The following NCOA7 variants were observed in gnomAD, a reference collection of about 807,000 sequenced individuals.
The protein encoded by NCOA7 is 140 kDa estrogen receptor-associated protein.
NCOA7 carries 45 observed loss-of-function variants against 104.3 expected under a neutral mutation model. The observed-to-expected ratio is 0.43, with a 90% CI of 0.34 to 0.55. NCOA7 has a LOEUF of 0.55. Ranked by LOEUF, NCOA7 falls within the 20% of genes least tolerant of loss-of-function variation. The probability of loss-of-function intolerance (pLI) is 0.02; values close to 1 mark genes in which losing one functional copy is unlikely to be tolerated. For synonymous variants in NCOA7, 398 were observed against 402.3 expected, an observed-to-expected ratio of 0.99 and a Z score of 0.13; for missense variants, 1,041 against 1,119.7, an observed-to-expected ratio of 0.93 and a Z score of 1.00.
rs1252481841 is a variant in NCOA7 at position 125,889,392 on chromosome 6, A to T, written c.1338A>T (p.Glu446Asp). The T allele has an allele frequency of 6.2e-7, 1 of 1,613,896 alleles. No homozygotes were observed. The highest frequency in any genetic ancestry group is 2.2e-5 in the East Asian group (1 of 44,864). Residue 446 changes from glutamate (E) to aspartate (D), a missense_variant, in exon 9 of 16, where the codon GAA becomes GAT. Glu to Asp is a conservative substitution (Grantham distance 45). Coordinates refer to ENST00000392477, the MANE Select transcript of NCOA7 (RefSeq NM_181782.5). ...LKECLSLDPEERKKAESQINN... is the reference protein window; with the variant it reads ...LKECLSLDPEDRKKAESQINN... ...AGTGCCTTTCTCTTGACCCAGAGGAACGAAAGAAAGCTGAGTCACAAATAA... is the reference window on the plus strand; with the variant it reads ...AGTGCCTTTCTCTTGACCCAGAGGATCGAAAGAAAGCTGAGTCACAAATAA...
At chr6:125,806,984 G>A (rs1002571483) in intron 1 of NCOA7, among the ~76,000 whole-genome samples, 1 of 152,170 alleles carries the variant, frequency 6.6e-6, no homozygotes, top group Non-Finnish European at 1.5e-5. Flanking sequence ...CGTTTCTACA[G>A]TAGTCATATA....
chr6:125,848,109 T>TA (rs1404029317), intron 2 of NCOA7, among the ~76,000 whole-genome samples: 1 of 152,194 alleles, frequency 6.6e-6, no homozygotes, highest in East Asian at 1.9e-4. Flanking sequence ...GATACCATCT[T>TA]ACGCCAGTTA....
upstream of NCOA7, among the ~76,000 whole-genome samples, chr6:125,788,507 A>G (rs1363834764): frequency 6.6e-6 from 1 of 151,392 alleles, no homozygotes; most frequent in African/African-American, 2.4e-5. Flanking sequence ...ATAAAGATGG[A>G]TTCTTACATT....
intron 10 of NCOA7, among the ~76,000 whole-genome samples, chr6:125,914,149 T>C (rs1786836521): frequency 1.3e-5 from 2 of 152,240 alleles, no homozygotes; most frequent in Admixed American, 1.3e-4. Flanking sequence ...AGGCCTACAC[T>C]GTATGGATAG....
chr6:125,843,085 A>G (rs1354175313), intron 2 of NCOA7, among the ~76,000 whole-genome samples: 1 of 152,184 alleles, frequency 6.6e-6, no homozygotes, highest in Non-Finnish European at 1.5e-5. Context: ...GGTACCTGAG[A>G]ATGTTACCTT....
At chr6:125,852,395 C>G (rs1449523281) in intron 2 of NCOA7, among the ~76,000 whole-genome samples, 2 of 152,048 alleles carry the variant, frequency 1.3e-5, no homozygotes, top group Non-Finnish European at 2.9e-5. Flanking sequence ...GGGGTTTCAC[C>G]ATGTTGATCA....
chr6:125,819,267 T>C (rs1252196439), intron 2 of NCOA7, among the ~76,000 whole-genome samples: 2 of 152,088 alleles, frequency 1.3e-5, no homozygotes, highest in Non-Finnish European at 2.9e-5. Context: ...CAAAATAGAG[T>C]TTAAAATACC....
chr6:125,907,848 C>A (rs1282566823), intron 10 of NCOA7, among the ~76,000 whole-genome samples: 1 of 152,130 alleles, frequency 6.6e-6, no homozygotes, highest in Non-Finnish European at 1.5e-5. Context: ...CACAGCTTTT[C>A]TTTTTAGGTA....
At chr6:125,914,957 G>C (rs1786924957) in intron 10 of NCOA7, among the ~76,000 whole-genome samples, 1 of 151,950 alleles carries the variant, frequency 6.6e-6, no homozygotes, top group Non-Finnish European at 1.5e-5. Flanking sequence ...GTTTATCTTT[G>C]TTCCTAGCTA....
Position 125,922,691 on chromosome 6 carries a change from C to T in NCOA7, c.2380C>T (p.Arg794Cys), listed in dbSNP as rs377412586. ...TCCTTTGGCTTTGTAGCTGGCCCGA[C>T]GCCTTCCTGCAAGGGTGCAAGGGTA... Reference protein sequence around the residue: ...ENMHIEQLARRLPARVQGYPW... With the variant: ...ENMHIEQLARCLPARVQGYPW... The change falls in exon 13 of 16, where the codon CGC (arginine) becomes TGC (cysteine). Residue 794 changes from arginine (R) to cysteine (C), a missense_variant. Coordinates refer to ENST00000392477, the MANE Select transcript of NCOA7 (RefSeq NM_181782.5). 54 of 1,612,172 alleles carry T rather than the reference C, an allele frequency of 3.3e-5. No individual in the cohort carries two copies. In the Admixed American group the frequency reaches 4.3e-4, roughly 13 times the overall value.
At chr6:125,847,995 G>A (rs982796109) in intron 2 of NCOA7, among the ~76,000 whole-genome samples, 2 of 152,134 alleles carry the variant, frequency 1.3e-5, no homozygotes, top group African/African-American at 4.8e-5. Context: ...GCAAAGGAAT[G>A]AACAGACACT....
chr6:125,845,614 A>T (rs1206576427), intron 2 of NCOA7, among the ~76,000 whole-genome samples: 1 of 152,170 alleles, frequency 6.6e-6, no homozygotes, highest in African/African-American at 2.4e-5. Flanking sequence ...TCTCTACTAA[A>T]AATACAAAAA....
chr6:125,812,680 T>C (rs993961523), intron 1 of NCOA7, among the ~76,000 whole-genome samples: 1 of 152,212 alleles, frequency 6.6e-6, no homozygotes, highest in Non-Finnish European at 1.5e-5. Context: ...CTGGTGAATG[T>C]CTCCAACTCC....
At chr6:125,834,997 G>C (rs919786393) in intron 2 of NCOA7, among the ~76,000 whole-genome samples, 1 of 152,210 alleles carries the variant, frequency 6.6e-6, no homozygotes, top group Non-Finnish European at 1.5e-5. Context: ...GCTCCAGCGG[G>C]AAGTAAGATG....
At chr6:125,856,269 C>T (rs1287860183) in intron 3 of NCOA7, among the ~76,000 whole-genome samples, 1 of 152,008 alleles carries the variant, frequency 6.6e-6, no homozygotes, top group Non-Finnish European at 1.5e-5. Context: ...AAATGACACT[C>T]GTTCTGGGCC....
chr6:125,877,978 C>T (rs1783515530), intron 4 of NCOA7, among the ~76,000 whole-genome samples: 1 of 152,152 alleles, frequency 6.6e-6, no homozygotes, highest in Non-Finnish European at 1.5e-5. Flanking sequence ...CATTACAGCT[C>T]ACGGACCTTT....
upstream of NCOA7, among the ~76,000 whole-genome samples, chr6:125,790,110 T>C (rs896283142): frequency 3.3e-5 from 5 of 152,200 alleles, no homozygotes; most frequent in South Asian, 4.1e-4. Flanking sequence ...ATTGCTGTAA[T>C]GACTGCAATT....
chr6:125,830,759 GTA>G (rs1314172595), intron 2 of NCOA7, among the ~76,000 whole-genome samples: 1,683 of 82,058 alleles, frequency 0.021, 28 homozygotes, highest in African/African-American at 0.054. Context: ...GTGTGTGTGT[GTA>G]TGTGTGTGTG....
intron 1 of NCOA7, among the ~76,000 whole-genome samples, chr6:125,795,266 G>A (rs1206750056): frequency 1.3e-5 from 2 of 152,046 alleles, no homozygotes; most frequent in African/African-American, 4.8e-5. Flanking sequence ...CATAAGAGGG[G>A]GTTTGGAGGG....
Sources: gnomAD v4.1 joint callset for allele counts (sites outside exome capture counted in the v4.1 genomes callset) on GRCh38, gnomAD v4.1.1 for gene constraint, MANE v1.5 for transcripts, NCBI Gene and HGNC (gene_info 2026-07-23, HGNC 2026-07-21) for gene names.